The following SORCS2 variants were observed in gnomAD, a reference collection of about 807,000 sequenced individuals.
The protein encoded by SORCS2 is sortilin related VPS10 domain containing receptor 2.
SORCS2 carries 100 observed loss-of-function variants against 141.6 expected under a neutral mutation model. The ratio of observed to expected loss-of-function variants is 0.71; its 90% CI spans 0.60 to 0.83. The LOEUF (loss-of-function observed/expected upper bound fraction) is 0.83, where lower values mean the gene tolerates loss of function less well. Among genes scored for constraint, SORCS2 ranks in the 40% least tolerant of loss-of-function variants. The pLI, the probability that SORCS2 is intolerant of heterozygous loss-of-function variation, is 0.00. For missense variants in SORCS2, 1,646 were observed against 1,560.2 expected (o/e 1.05, Z -0.93); for synonymous variants, 789 against 676.9 (o/e 1.17, Z -2.57).
chr4:7,628,718 G>T (rs1043140915), intron 3 of SORCS2, among the ~76,000 whole-genome samples: 2 of 152,000 alleles, frequency 1.3e-5, no homozygotes, highest in Non-Finnish European at 2.9e-5. Flanking sequence ...AAATGGAGGG[G>T]GTGGGGAGCT....
chr4:7,220,986 A>AGG (rs1329484931), intron 1 of SORCS2, among the ~76,000 whole-genome samples: 1 of 152,216 alleles, frequency 6.6e-6, no homozygotes, highest in African/African-American at 2.4e-5. Flanking sequence ...TGTCAGAGAG[A>AGG]GAGAGGGAAG....
intron 1 of SORCS2, among the ~76,000 whole-genome samples, chr4:7,199,609 G>T (rs1727373929): frequency 6.6e-6 from 1 of 151,900 alleles, no homozygotes; most frequent in Admixed American, 6.6e-5. Context: ...GACTCACTCT[G>T]TGGCCTGGGT....
At chr4:7,280,790 A>T (rs536982043) in intron 1 of SORCS2, among the ~76,000 whole-genome samples, 1 of 152,306 alleles carries the variant, frequency 6.6e-6, no homozygotes, top group South Asian at 2.1e-4. Context: ...TGATTGTAGC[A>T]AGGGATGGAT....
intron 12 of SORCS2, 37 bp downstream of exon 12, chr4:7,697,311 C>G: frequency 6.5e-7 from 1 of 1,527,220 alleles, no homozygotes. Context: ...CCCCCCACCC[C>G]ATCCAGCCGG....
chr4:7,589,750 T>A (rs118066995), intron 3 of SORCS2, among the ~76,000 whole-genome samples: 2,420 of 152,260 alleles, frequency 0.016, 132 homozygotes, highest in East Asian at 0.16. Flanking sequence ...CATGAGGACA[T>A]GGATGGTAGG....
chr4:7,373,470 ATATATATATTTTTTTTTT>A lies in SORCS2; in HGVS notation c.481-22816_481-22799del, dbSNP rs1250756142. Among the ~76,000 whole-genome samples, 305 of 61,100 alleles carry A rather than the reference ATATATATATTTTTTTTTT, an allele frequency of 5.0e-3. 12 individuals are homozygous for A. Among genetic ancestry groups the A allele is most frequent in the Non-Finnish European group, 5.4e-3 (210 of 39,120 alleles). The allele number at this position is 61,100 out of a possible 152,430, so 40.1% of individuals were successfully genotyped here. A position where few individuals can be genotyped will look rare whatever the true frequency, so the allele number is the denominator to read the frequency against. On this transcript the variant is annotated intron_variant, in intron 1 of 26. Coordinates refer to ENST00000507866, the MANE Select transcript of SORCS2 (RefSeq NM_020777.3). Reference sequence around the variant, plus strand: ...TTGTGAGAAACTTTTATATATATATATATATATATTTTTTTTTTTTTTTTTTTTTTTTTTTTGAGTCGG... The same window carrying A: ...TTGTGAGAAACTTTTATATATATATATTTTTTTTTTTTTTTTTTGAGTCGG...
chr4:7,604,029 G>T (rs546604738), intron 3 of SORCS2, among the ~76,000 whole-genome samples: 164 of 152,280 alleles, frequency 1.1e-3, no homozygotes, highest in African/African-American at 3.7e-3. Flanking sequence ...TGTGTTGTGT[G>T]TGACTTGTAC....
chr4:7,602,822 G>A (rs576555216), intron 3 of SORCS2, among the ~76,000 whole-genome samples: 81 of 152,216 alleles, frequency 5.3e-4, no homozygotes, highest in Non-Finnish European at 8.7e-4. Context: ...GGGAGGTGGA[G>A]GTTGTAGCCA....
intron 3 of SORCS2, among the ~76,000 whole-genome samples, chr4:7,537,111 C>T (rs911135123): frequency 6.6e-6 from 1 of 152,208 alleles, no homozygotes; most frequent in Non-Finnish European, 1.5e-5. Context: ...GCCCGGCCCG[C>T]TTGGCTGGGG....
intron 2 of SORCS2, chr4:7,460,006 G>A (rs1203300151): frequency 1.3e-5 from 2 of 154,972 alleles, no homozygotes; most frequent in South Asian, 2.0e-4. Flanking sequence ...CAGTGGCCCT[G>A]AGCATCCAAT....
At chr4:7,371,384 G>A (rs577996143) in intron 1 of SORCS2, among the ~76,000 whole-genome samples, 6 of 152,306 alleles carry the variant, frequency 3.9e-5, no homozygotes, top group South Asian at 2.1e-4. Flanking sequence ...TTTCCATGGC[G>A]ATGTCCGTTT....
chr4:7,590,504 C>G, intron 3 of SORCS2, among the ~76,000 whole-genome samples: 1 of 152,220 alleles, frequency 6.6e-6, no homozygotes, highest in Non-Finnish European at 1.5e-5. Context: ...GACTTCTCCC[C>G]TCGGGAGCCG....
rs936878204 is a variant in SORCS2 at position 7,313,016 on chromosome 4, G to A, written c.481-83272G>A. 9.9e-5 allele frequency among the ~76,000 whole-genome samples: 15 copies of A among 152,228 alleles called. No individual in the cohort carries two copies. The South Asian group carries it at 1.2e-3, about 13-fold the overall frequency. ...CCTCGGGAACAGCATGTGTAGCTGG[G>A]CAGAGGCCTGCGAGGACTGGGGGTC... On this transcript the variant is annotated intron_variant, in intron 1 of 26. Transcript: ENST00000507866.
intron 2 of SORCS2, among the ~76,000 whole-genome samples, chr4:7,399,142 C>T (rs1239900242): frequency 6.6e-6 from 1 of 152,164 alleles, no homozygotes; most frequent in East Asian, 1.9e-4. Context: ...TTGCACATTA[C>T]CTGCTCCTGT....
intron 2 of SORCS2, among the ~76,000 whole-genome samples, chr4:7,505,286 C>T (rs529601943): frequency 2.0e-5 from 3 of 152,272 alleles, no homozygotes; most frequent in African/African-American, 7.2e-5. Context: ...CTGGGGCTTC[C>T]ACGGAGGGAC....
chr4:7,726,904 G>A lies in SORCS2; in HGVS notation c.2869+1G>A, dbSNP rs758007950. 2 of 1,611,862 alleles carry A rather than the reference G, an allele frequency of 1.2e-6. No homozygotes were observed. Among genetic ancestry groups the A allele is most frequent in the Admixed American group, 1.7e-5 (1 of 59,930 alleles). On this transcript the variant is annotated splice_donor_variant, in intron 21 of 26. Coordinates refer to ENST00000507866, the MANE Select transcript of SORCS2 (RefSeq NM_020777.3). LOFTEE classifies it high-confidence loss of function. ...GACTCCAGGGTCCTCCGTGTGCTGG[G>A]TAAGTACTTCCTGGGGTCTGGCAGC...
chr4:7,705,181 G>C (rs1725350315), intron 14 of SORCS2, among the ~76,000 whole-genome samples: 1 of 152,156 alleles, frequency 6.6e-6, no homozygotes. Context: ...AGGAGGCCGG[G>C]GAGGGAGGAG....
At chr4:7,209,339 G>T (rs1028264009) in intron 1 of SORCS2, among the ~76,000 whole-genome samples, 1 of 152,126 alleles carries the variant, frequency 6.6e-6, no homozygotes, top group Admixed American at 6.5e-5. Flanking sequence ...CCCAGGGCTC[G>T]GACTCCATCC....
chr4:7,662,166 G>A (rs1438872063), intron 6 of SORCS2, among the ~76,000 whole-genome samples: 2 of 152,120 alleles, frequency 1.3e-5, no homozygotes, highest in South Asian at 2.1e-4. Flanking sequence ...CTCAACGCGG[G>A]GTCATCATGG....
Sources: gnomAD v4.1 joint callset for allele counts (sites outside exome capture counted in the v4.1 genomes callset) on GRCh38, gnomAD v4.1.1 for gene constraint, MANE v1.5 for transcripts, NCBI Gene and HGNC (gene_info 2026-07-23, HGNC 2026-07-21) for gene names.